Variants in HECW1 observed in about 807,000 individuals in gnomAD.
The protein encoded by HECW1 is E3 ubiquitin-protein ligase HECW1.
In HECW1, 61 loss-of-function variants were observed where a neutral mutation model predicts 182.3. The observed-to-expected ratio is 0.33, with a 90% CI of 0.27 to 0.41. HECW1 has a LOEUF of 0.41. Ranked by LOEUF, HECW1 falls within the 10% of genes least tolerant of loss-of-function variation. HECW1 has a pLI of 1.00. For missense variants in HECW1, 1,739 were observed against 2,108.9 expected, an observed-to-expected ratio of 0.82 and a Z score of 3.44; for synonymous variants, 859 against 832.6, an observed-to-expected ratio of 1.03 and a Z score of -0.55.
At chr7:43,421,224 A>G (rs987718424) in intron 8 of HECW1, among the ~76,000 whole-genome samples, 5 of 152,206 alleles carry the variant, frequency 3.3e-5, no homozygotes, top group African/African-American at 7.2e-5. Flanking sequence ...TGTTGGGTCA[A>G]TTTGCTGTCC....
rs766862658 is a variant in HECW1, at chr7:43,492,193, C to T, written c.3340+13C>T. The T allele has an allele frequency of 1.3e-6, 2 of 1,550,798 alleles. No homozygotes were observed. Among genetic ancestry groups the T allele is most frequent in the South Asian group, 2.4e-5 (2 of 84,256 alleles). ...TCATTGCCACTGGGTATGTATCATG[C>T]TTGTTTGAGCCCCTGGCTCAAAGAA... On this transcript the variant is annotated intron_variant, in intron 18 of 29. Coordinates refer to ENST00000395891, the MANE Select transcript of HECW1 (RefSeq NM_015052.5).
In HECW1 at chr7:43,550,426, A is replaced by G. The variant is rs752325752; in HGVS notation, c.4249-19A>G. The stretch of plus-strand genomic sequence containing the variant: ...AAGCAGAACTGACAAGCATCGCAAT[A>G]TTTCTGTTTTCCTACAAGGTCACGG... On this transcript the variant is annotated intron_variant, in intron 26 of 29. Transcript: ENST00000395891. 2.3e-5 allele frequency: 37 copies of G among 1,613,660 alleles called. No individual in the cohort carries two copies. Among genetic ancestry groups the G allele is most frequent in the Middle Eastern group, 1.6e-4 (1 of 6,084 alleles).
chr7:43,168,469 G>A (rs1283806681), intron 2 of HECW1, among the ~76,000 whole-genome samples: 1 of 152,032 alleles, frequency 6.6e-6, no homozygotes, highest in Non-Finnish European at 1.5e-5. Context: ...ACCAACCTGG[G>A]CAACATACTG....
intron 5 of HECW1, among the ~76,000 whole-genome samples, chr7:43,336,022 TTCTTTTTC>T (rs1812131214): frequency 6.7e-6 from 1 of 149,934 alleles, no homozygotes; most frequent in Non-Finnish European, 1.5e-5. Context: ...TTCTCTTTCT[TTCTTTTTC>T]TTTCTTTCTC....
At chr7:43,187,392 T>C (rs560228070) in intron 2 of HECW1, among the ~76,000 whole-genome samples, 1 of 152,230 alleles carries the variant, frequency 6.6e-6, no homozygotes, top group Non-Finnish European at 1.5e-5. Flanking sequence ...TGTGGACGTA[T>C]TTTGAACCAC....
chr7:43,158,860 G>C (rs1044348429), intron 2 of HECW1, among the ~76,000 whole-genome samples: 4 of 152,138 alleles, frequency 2.6e-5, no homozygotes, highest in African/African-American at 9.7e-5. Context: ...GTTCCTCCTA[G>C]GACCCTGACT....
intron 26 of HECW1, among the ~76,000 whole-genome samples, chr7:43,546,928 T>C (rs1351940157): frequency 6.6e-6 from 1 of 152,162 alleles, no homozygotes; most frequent in Non-Finnish European, 1.5e-5. Context: ...GTGCTTTTTT[T>C]CCAGAACGGG....
At chr7:43,483,657 T>C (rs1449793536) in intron 17 of HECW1, among the ~76,000 whole-genome samples, 1 of 149,970 alleles carries the variant, frequency 6.7e-6, no homozygotes, top group Non-Finnish European at 1.5e-5. Flanking sequence ...CAAGCGATTC[T>C]CCTGCCTCAG....
At chr7:43,491,891 C>T (rs1323822557) in intron 17 of HECW1, among the ~76,000 whole-genome samples, 184 bp from the exon 18 acceptor site, 2 of 152,198 alleles carry the variant, frequency 1.3e-5, no homozygotes, top group African/African-American at 4.8e-5. Context: ...GCTTTCTTAA[C>T]CATAGTATAG....
Position 43,346,732 on chromosome 7 carries a change from C to T in HECW1, c.461-14154C>T, listed in dbSNP as rs144779596. Among the ~76,000 whole-genome samples the T allele has an allele frequency of 3.5e-3, 529 of 152,250 alleles. 2 individuals are homozygous for T. The highest frequency in any genetic ancestry group is 0.01 in the Middle Eastern group (3 of 294). On this transcript the variant is annotated intron_variant, in intron 5 of 29. Transcript: ENST00000395891. ...TGAGGCTAGCCAATTATCCCAGCAC[C>T]ATTTGTTGAAAAGGGCATCCTTTCC... is the stretch of plus-strand genomic sequence containing the variant.
At chr7:43,543,215 C>T (rs942446008) in intron 26 of HECW1, among the ~76,000 whole-genome samples, 3 of 152,118 alleles carry the variant, frequency 2.0e-5, no homozygotes, top group African/African-American at 7.2e-5. Flanking sequence ...TTCGTAACAG[C>T]GGTTGTTGTG....
intron 3 of HECW1, among the ~76,000 whole-genome samples, chr7:43,306,414 G>A (rs1489354581): frequency 6.6e-6 from 1 of 151,484 alleles, no homozygotes; most frequent in Non-Finnish European, 1.5e-5. Flanking sequence ...CCCACCTGGT[G>A]GCGTAACAAA....
chr7:43,433,437 G>A (rs74441370), intron 8 of HECW1, among the ~76,000 whole-genome samples: 1,941 of 152,322 alleles, frequency 0.013, 40 homozygotes, highest in African/African-American at 0.043. Flanking sequence ...CCAGTAATGG[G>A]TACTATTGTG....
intron 2 of HECW1, among the ~76,000 whole-genome samples, chr7:43,147,757 C>A (rs1391948306): frequency 6.6e-6 from 1 of 152,068 alleles, no homozygotes; most frequent in African/African-American, 2.4e-5. Flanking sequence ...AGGAGAGTTT[C>A]AGCTGCGAAG....
intron 6 of HECW1, among the ~76,000 whole-genome samples, chr7:43,366,703 A>G (rs1386932790): frequency 6.6e-6 from 1 of 152,214 alleles, no homozygotes; most frequent in East Asian, 1.9e-4. Flanking sequence ...TGTATCTTCA[A>G]TATTGGGGTG....
chr7:43,199,181 G>GTCTCTTATGA (rs1468353156), intron 2 of HECW1, among the ~76,000 whole-genome samples: 1 of 152,198 alleles, frequency 6.6e-6, no homozygotes, highest in Non-Finnish European at 1.5e-5. Context: ...TGCACGCCTG[G>GTCTCTTATGA]TCTCTTATGA....
chr7:43,208,179 G>A (rs936440333), intron 2 of HECW1, among the ~76,000 whole-genome samples: 39 of 152,158 alleles, frequency 2.6e-4, no homozygotes, highest in African/African-American at 9.4e-4. Context: ...ACCTCTTCAT[G>A]TGACATCTGA....
At chr7:43,424,289 G>A (rs905582053) in intron 8 of HECW1, among the ~76,000 whole-genome samples, 1 of 152,076 alleles carries the variant, frequency 6.6e-6, no homozygotes, top group East Asian at 1.9e-4. Flanking sequence ...CATTTTTCAG[G>A]GCAATGGGTT....
intron 5 of HECW1, among the ~76,000 whole-genome samples, chr7:43,352,979 T>C (rs1005297300): frequency 4.6e-5 from 7 of 152,178 alleles, no homozygotes; most frequent in Non-Finnish European, 7.4e-5. Flanking sequence ...AATTTTCTCC[T>C]TTCTTTAAGT....
Sources: gnomAD v4.1 joint callset for allele counts (sites outside exome capture counted in the v4.1 genomes callset) on GRCh38, gnomAD v4.1.1 for gene constraint, MANE v1.5 for transcripts, NCBI Gene and HGNC (gene_info 2026-07-23, HGNC 2026-07-21) for gene names.